ATP6V0D2: variants seen among roughly 807,000 people sequenced by gnomAD.
The protein encoded by ATP6V0D2 is V-type proton ATPase subunit d 2.
Under a neutral mutation model 40.0 loss-of-function variants are expected in ATP6V0D2, and 40 were observed. The ratio of observed to expected loss-of-function variants is 1.00; its 90% CI spans 0.78 to 1.30. ATP6V0D2 has a LOEUF of 1.30. Among genes scored for constraint, ATP6V0D2 ranks in the 50% most tolerant of loss-of-function variants. The probability of loss-of-function intolerance (pLI) is 0.00; values close to 1 mark genes in which losing one functional copy is unlikely to be tolerated. For missense variants in ATP6V0D2, 470 were observed against 423.1 expected (o/e 1.11, Z -0.97); for synonymous variants, 179 against 156.3 (o/e 1.15, Z -1.08).
chr8:86,132,816 G>T (rs1818844817), intron 2 of ATP6V0D2, among the ~76,000 whole-genome samples: 2 of 152,230 alleles, frequency 1.3e-5, no homozygotes, highest in East Asian at 1.9e-4. Context: ...TTGACATACT[G>T]ATTTATTTTC....
chr8:86,145,813 T>C (rs1819061897), intron 5 of ATP6V0D2, among the ~76,000 whole-genome samples: 1 of 152,250 alleles, frequency 6.6e-6, no homozygotes, highest in South Asian at 2.1e-4. Context: ...ATAAAAGTTA[T>C]ATCAAGACTC....
rs752555019 is a variant in ATP6V0D2, at chr8:86,139,508, G to GA, written c.360dup (p.Ser121IlefsTer32). The GA allele has an allele frequency of 1.1e-5, 18 of 1,613,686 alleles. No individual in the cohort carries two copies. Among genetic ancestry groups the GA allele is most frequent in the East Asian group, 6.7e-5 (3 of 44,848 alleles). On this transcript the variant is annotated frameshift_variant, in exon 3 of 8. Transcript: ENST00000285393. LOFTEE classifies it high-confidence loss of function. ...TTCTGCTGATGAATGGTGCATTGCAGAAAAAATCTGTGAAAGAAATTCTGG... is the reference window on the plus strand; with the variant it reads ...TTCTGCTGATGAATGGTGCATTGCAGAAAAAAATCTGTGAAAGAAATTCTGG...
chr8:86,141,386 C>A, intron 3 of ATP6V0D2, 64 bp from the exon 4 acceptor site: 1 of 1,263,916 alleles, frequency 7.9e-7, no homozygotes, highest in Non-Finnish European at 1.1e-6. Context: ...GTTCAGGATA[C>A]GTTTTCTACA....
At chr8:86,103,603 C>T (rs531214107) in intron 1 of ATP6V0D2, among the ~76,000 whole-genome samples, 7 of 151,954 alleles carry the variant, frequency 4.6e-5, no homozygotes, top group African/African-American at 7.2e-5. Flanking sequence ...TTCTAGCTAG[C>T]GCCAAGAAAG....
At position 86,131,675 on chromosome 8, in the gene ATP6V0D2, A is replaced by G. The variant is rs543069988; in HGVS notation, c.303-7782A>G. Among the ~76,000 whole-genome samples the G allele has an allele frequency of 3.4e-4, 50 of 147,746 alleles. 1 individual carries two copies. The South Asian group carries it at 8.2e-3, about 24-fold the overall frequency. On this transcript the variant is annotated intron_variant, in intron 2 of 7. Coordinates refer to ENST00000285393, the MANE Select transcript of ATP6V0D2 (RefSeq NM_152565.1). ...GTCACCACGCCCAGCTAATTCTTGT[A>G]TTTTTAGTACAGATGGGGTTTTACC... is the stretch of plus-strand genomic sequence containing the variant.
intron 2 of ATP6V0D2, among the ~76,000 whole-genome samples, chr8:86,117,501 GTGGATATACC>G (rs1818605170): frequency 6.6e-6 from 1 of 152,220 alleles, no homozygotes; most frequent in South Asian, 2.1e-4. Context: ...GGAAGGAATT[GTGGATATACC>G]TGAGGCATGA....
At chr8:86,142,568 C>T (rs554920556) in intron 4 of ATP6V0D2, among the ~76,000 whole-genome samples, 8 of 152,310 alleles carry the variant, frequency 5.3e-5, no homozygotes, top group African/African-American at 1.9e-4. Context: ...CAGAAAAGAA[C>T]TTGGCACTCT....
chr8:86,123,163 C>T (rs1216448228), intron 2 of ATP6V0D2, among the ~76,000 whole-genome samples: 1 of 152,110 alleles, frequency 6.6e-6, no homozygotes, highest in African/African-American at 2.4e-5. Flanking sequence ...CTCATCTAGC[C>T]AATGGGAGAG....
intron 2 of ATP6V0D2, among the ~76,000 whole-genome samples, chr8:86,125,732 A>G (rs1818732408): frequency 6.6e-6 from 1 of 152,074 alleles, no homozygotes; most frequent in East Asian, 1.9e-4. Flanking sequence ...ATGTTTTTTT[A>G]TATGTGCATG....
intron 2 of ATP6V0D2, among the ~76,000 whole-genome samples, chr8:86,132,458 A>C (rs1554588834): frequency 6.6e-6 from 1 of 151,856 alleles, no homozygotes; most frequent in Non-Finnish European, 1.5e-5. Flanking sequence ...CTCTTAATCT[A>C]CTTCTCCTCC....
At chr8:86,102,048 C>T (rs1818405931) in intron 1 of ATP6V0D2, among the ~76,000 whole-genome samples, 1 of 152,174 alleles carries the variant, frequency 6.6e-6, no homozygotes, top group Admixed American at 6.5e-5. Flanking sequence ...GCTGTGACCA[C>T]CTAACACGCT....
chr8:86,128,183 A>G lies in ATP6V0D2; in HGVS notation c.303-11274A>G, dbSNP rs79769209. 1.6e-4 allele frequency among the ~76,000 whole-genome samples: 25 copies of G among 152,276 alleles called. No individual in the cohort carries two copies. In the East Asian group the frequency reaches 3.9e-3, roughly 24 times the overall value. Reference sequence around the variant, plus strand: ...CCAACATGGTGAAACCCTCATCTCTACGAAAAATACAAAAAATTAGCCGGG... The same window carrying G: ...CCAACATGGTGAAACCCTCATCTCTGCGAAAAATACAAAAAATTAGCCGGG... On this transcript the variant is annotated intron_variant, in intron 2 of 7. Coordinates refer to ENST00000285393, the MANE Select transcript of ATP6V0D2 (RefSeq NM_152565.1).
At chr8:86,151,580 T>A in intron 7 of ATP6V0D2, 40 bp downstream of exon 7, 1 of 1,475,732 alleles carries the variant, frequency 6.8e-7, no homozygotes, top group Non-Finnish European at 9.3e-7. Flanking sequence ...TATTTTTCTC[T>A]TACTGTGGAT....
At position 86,149,069 on chromosome 8, in the gene ATP6V0D2, AAAAAAAC is replaced by A. The variant is rs1419504074; in HGVS notation, c.640-1042_640-1036del. On this transcript the variant is annotated intron_variant, in intron 5 of 7. Coordinates refer to ENST00000285393, the MANE Select transcript of ATP6V0D2 (RefSeq NM_152565.1). ...CTCCAAAGGAAGAAAAAAAAAAAAA[AAAAAAAC>A]CAATGAACAAGAAAGACATGGTTCT... Among the ~76,000 whole-genome samples the A allele has an allele frequency of 2.6e-4, 39 of 150,164 alleles. 5 individuals are homozygous for A. Among genetic ancestry groups the A allele is most frequent in the African/African-American group, 6.6e-4 (27 of 40,940 alleles).
intron 1 of ATP6V0D2, among the ~76,000 whole-genome samples, chr8:86,106,716 G>A (rs898514693): frequency 3.3e-5 from 5 of 152,154 alleles, no homozygotes; most frequent in Non-Finnish European, 7.3e-5. Context: ...ATTTTGGTAA[G>A]TAAAAATTAA....
At chr8:86,146,267 G>T (rs991448486) in intron 5 of ATP6V0D2, among the ~76,000 whole-genome samples, 4 of 152,094 alleles carry the variant, frequency 2.6e-5, no homozygotes, top group African/African-American at 9.7e-5. Context: ...TGTAAAAAAA[G>T]GATAGTATCA....
At chr8:86,152,573 C>G (rs1023528181) in intron 7 of ATP6V0D2, among the ~76,000 whole-genome samples, 24 of 152,146 alleles carry the variant, frequency 1.6e-4, no homozygotes, top group African/African-American at 5.5e-4. Context: ...CAATTTGGAG[C>G]TTTTCTTGTG....
chr8:86,108,922 C>T (rs978008679), intron 1 of ATP6V0D2, among the ~76,000 whole-genome samples: 1 of 152,146 alleles, frequency 6.6e-6, no homozygotes, highest in African/African-American at 2.4e-5. Flanking sequence ...GTGATAGACT[C>T]TATTTGTTAA....
intron 2 of ATP6V0D2, among the ~76,000 whole-genome samples, chr8:86,128,759 T>C (rs1028137213): frequency 1.3e-5 from 2 of 152,218 alleles, no homozygotes; most frequent in Admixed American, 6.5e-5. Context: ...AAATCAGACT[T>C]GAGGGCTAGT....
Sources: allele counts gnomAD v4.1 joint callset (sites outside exome capture counted in the v4.1 genomes callset), GRCh38; gene constraint gnomAD v4.1.1; transcripts MANE v1.5; gene names NCBI Gene and HGNC (gene_info 2026-07-23, HGNC 2026-07-21).